The following EVC2 variants were observed in gnomAD, a reference collection of about 807,000 sequenced individuals.
EVC2 encodes the protein EvC ciliary complex subunit 2, also known as limbin.
A neutral mutation model predicts 149.3 loss-of-function variants in EVC2; 148 were observed. The observed-to-expected ratio is 0.99, with a 90% CI of 0.87 to 1.14. The LOEUF (loss-of-function observed/expected upper bound fraction) is 1.14, where lower values mean the gene tolerates loss of function less well. Among genes scored for constraint, EVC2 ranks in the 50% most tolerant of loss-of-function variants. The probability of loss-of-function intolerance (pLI) is 0.00; values close to 1 mark genes in which losing one functional copy is unlikely to be tolerated. For synonymous variants in EVC2, 776 were observed against 649.9 expected (o/e 1.19, Z -2.95); for missense variants, 1,854 against 1,627.3 (o/e 1.14, Z -2.40).
intron 16 of EVC2, among the ~76,000 whole-genome samples, chr4:5,588,289 G>A (rs1376007170): frequency 6.6e-6 from 1 of 152,136 alleles, no homozygotes; most frequent in Non-Finnish European, 1.5e-5. Flanking sequence ...GGTACATAAT[G>A]TATCTTCTTC....
chr4:5,572,531 A>G (rs1452207580), intron 19 of EVC2, among the ~76,000 whole-genome samples: 1 of 152,204 alleles, frequency 6.6e-6, no homozygotes, highest in Non-Finnish European at 1.5e-5. Context: ...ACAATGCACC[A>G]TCTTGGAAGC....
chr4:5,563,214 C>G, intron 21 of EVC2, 99 bp from the exon 22 acceptor site: 2 of 1,208,788 alleles, frequency 1.7e-6, no homozygotes, highest in Non-Finnish European at 2.4e-6. Context: ...GTCCTGAATT[C>G]CCCAACCCAG....
At chr4:5,609,385 G>A (rs1013380343) in intron 16 of EVC2, among the ~76,000 whole-genome samples, 2 of 152,208 alleles carry the variant, frequency 1.3e-5, no homozygotes, top group African/African-American at 4.8e-5. Context: ...CAAGTGCTAA[G>A]AGATGTAATC....
intron 21 of EVC2, among the ~76,000 whole-genome samples, chr4:5,548,020 G>A (rs934902780): frequency 8.5e-5 from 13 of 152,052 alleles, no homozygotes; most frequent in Non-Finnish European, 1.8e-4. Context: ...GCAGAGAGTC[G>A]GTGCCCACGC....
Position 5,562,470 on chromosome 4 carries a change from C to A in EVC2, c.*378G>T. On this transcript the variant is annotated 3_prime_UTR_variant, in exon 22 of 22. Coordinates refer to ENST00000344408, the MANE Select transcript of EVC2 (RefSeq NM_147127.5). This position sits in a 1 kb window ranked among gnomAD's most constrained non-coding sequence, Gnocchi z 4.3. ...CAAAACACATTTATTTTTTAAAATT[C>A]CCTTTATAAAAATAGAATATGTAAC... 9.4e-7 allele frequency: 1 copy of A among 1,066,784 alleles called. No individual in the cohort carries two copies. Among genetic ancestry groups the A allele is most frequent in the Non-Finnish European group, 1.1e-6 (1 of 877,878 alleles). The allele number at this position is 1,066,784 out of a possible 1,614,324, so 66.1% of individuals were successfully genotyped here. A position where few individuals can be genotyped will look rare whatever the true frequency, so the allele number is the denominator to read the frequency against.
chr4:5,675,735 C>T (rs555933466), intron 7 of EVC2, among the ~76,000 whole-genome samples: 12 of 151,924 alleles, frequency 7.9e-5, no homozygotes, highest in African/African-American at 1.7e-4. Context: ...ACCTGAGGTC[C>T]GGAGTTCAAG....
rs142231129 is a variant in EVC2, at chr4:5,663,169, G to A, written c.1083C>T (p.Asn361=). ...AAGACAGAATGTCTATCATTTGGTC[G>A]TTAAGGGAAAGGTCCTCATTCACGC... The part of the protein sequence containing the change: ...ADGVNEDLSL[N]DQMIDILSSE... Residue 361 remains asparagine (N), a synonymous_variant, in exon 9 of 22, where the codon AAC becomes AAT. Coordinates refer to ENST00000344408, the MANE Select transcript of EVC2 (RefSeq NM_147127.5). 1.2e-5 allele frequency: 19 copies of A among 1,614,044 alleles called. No homozygotes were observed. The highest frequency in any genetic ancestry group is 5.3e-5 in the African/African-American group (4 of 74,914).
intron 16 of EVC2, among the ~76,000 whole-genome samples, chr4:5,612,476 T>C (rs530277982): frequency 1.3e-5 from 2 of 152,320 alleles, no homozygotes; most frequent in African/African-American, 4.8e-5. Context: ...CGTAAGGGAT[T>C]GGAGCTGGGC....
At chr4:5,530,589 T>C in the EVC2 span, among the ~76,000 whole-genome samples, 1 of 152,108 alleles carries the variant, frequency 6.6e-6, no homozygotes, top group Non-Finnish European at 1.5e-5. Flanking sequence ...CAGCATACAA[T>C]ACAATATTAT....
chr4:5,682,500 A>AAT (rs1553850104), intron 6 of EVC2, among the ~76,000 whole-genome samples: 110 of 150,324 alleles, frequency 7.3e-4, no homozygotes, highest in Admixed American at 2.2e-3. Context: ...CAAAAAAAAA[A>AAT]AATAATAATA....
At chr4:5,675,460 T>C (rs1196401075) in intron 7 of EVC2, among the ~76,000 whole-genome samples, 1 of 151,836 alleles carries the variant, frequency 6.6e-6, no homozygotes, top group Non-Finnish European at 1.5e-5. Context: ...TATCTTTTGT[T>C]CCATTGGTCT....
chr4:5,596,966 A>T (rs537706542), intron 16 of EVC2, among the ~76,000 whole-genome samples: 1 of 152,380 alleles, frequency 6.6e-6, no homozygotes, highest in Non-Finnish European at 1.5e-5. Context: ...AAAATCTAGA[A>T]GAAATGGATA....
At chr4:5,575,493 C>T (rs533949971) in intron 18 of EVC2, among the ~76,000 whole-genome samples, 137 of 152,268 alleles carry the variant, frequency 9.0e-4, no homozygotes, top group African/African-American at 3.2e-3. Flanking sequence ...CACAGAAGAG[C>T]GTGATAGGAT....
chr4:5,555,227 GA>G (rs942296978), intron 21 of EVC2, among the ~76,000 whole-genome samples: 2 of 151,638 alleles, frequency 1.3e-5, no homozygotes, highest in Non-Finnish European at 2.9e-5. Context: ...AGAGAAAGGA[GA>G]AAAAGGGAAG....
intron 7 of EVC2, among the ~76,000 whole-genome samples, chr4:5,671,886 G>A (rs998424795): frequency 2.6e-5 from 4 of 152,212 alleles, no homozygotes; most frequent in Non-Finnish European, 5.9e-5. Context: ...TAATTTGTTT[G>A]CCTGAAACGC....
chr4:5,653,735 T>C (rs572092337), intron 9 of EVC2, among the ~76,000 whole-genome samples: 2 of 152,322 alleles, frequency 1.3e-5, no homozygotes, highest in South Asian at 4.1e-4. Flanking sequence ...CTGGGAGATA[T>C]GGGAACTCTC....
chr4:5,618,524 GCTT>G lies in EVC2; in HGVS notation c.2657_2659del (p.Glu886del). The G allele has an allele frequency of 6.2e-7, 1 of 1,614,014 alleles. No individual in the cohort carries two copies. Among genetic ancestry groups the G allele is most frequent in the Non-Finnish European group, 8.5e-7 (1 of 1,180,046 alleles). On this transcript the variant is annotated inframe_deletion, in exon 15 of 22. Transcript: ENST00000344408. The surrounding 1 kb of genome is among the most constrained non-coding windows in gnomAD (Gnocchi z 4.4). ...GGCCTGGTCCAGCTTCACGAACTCT[GCTT>G]CTCGCCACGCAGTCTGAAATTGCTG...
At chr4:5,612,790 C>T (rs112757404) in intron 16 of EVC2, among the ~76,000 whole-genome samples, 3,239 of 151,706 alleles carry the variant, frequency 0.021, 92 homozygotes, top group African/African-American at 0.069. Flanking sequence ...GGAGTAGTAG[C>T]GGGCGCCTGT....
chr4:5,556,439 T>C (rs1166036787), intron 21 of EVC2, among the ~76,000 whole-genome samples: 1 of 151,966 alleles, frequency 6.6e-6, no homozygotes, highest in Non-Finnish European at 1.5e-5. Flanking sequence ...GCAGTTAAAG[T>C]AGTGCCTAAA....
Sources: allele counts gnomAD v4.1 joint callset (sites outside exome capture counted in the v4.1 genomes callset), GRCh38; gene constraint gnomAD v4.1.1; non-coding constraint Gnocchi (gnomAD v3.1); transcripts MANE v1.5; gene names NCBI Gene and HGNC (gene_info 2026-07-23, HGNC 2026-07-21).